Variants in SLC26A9 observed in about 807,000 individuals in gnomAD.
SLC26A9 encodes the protein solute carrier family 26 member 9.
In SLC26A9, 46 loss-of-function variants were observed where a neutral mutation model predicts 87.1. The observed-to-expected ratio is 0.53, with a 90% confidence interval of 0.42 to 0.67. SLC26A9 has a LOEUF of 0.67. Among genes scored for constraint, SLC26A9 ranks in the 30% least tolerant of loss-of-function variants. SLC26A9 has a pLI of 0.00. For missense variants in SLC26A9, 927 were observed against 1,018.3 expected (o/e 0.91, Z 1.22); for synonymous variants, 437 against 409.1 (o/e 1.07, Z -0.82).
chr1:205,939,076 T>C (rs934763927), intron 1 of SLC26A9, among the ~76,000 whole-genome samples: 1 of 152,188 alleles, frequency 6.6e-6, no homozygotes, highest in Non-Finnish European at 1.5e-5. Flanking sequence ...ATCCCAGGAA[T>C]AGGATGCTGA....
At position 205,933,064 on chromosome 1, in the gene SLC26A9, T is replaced by G; in HGVS notation, c.146A>C (p.Lys49Thr). 2.5e-6 allele frequency: 4 copies of G among 1,614,222 alleles called. No homozygotes were observed. The highest frequency in any genetic ancestry group is 3.4e-6 in the Non-Finnish European group (4 of 1,180,032). ...NAFRCSSAKI[K>T]AVVFGLLPVL... is the part of the protein sequence containing the mutation. ...AGGCAGCAGCCCAAACACCACAGCT[T>G]TGATCTTGGCTGAGGAACATCTGGA... The change falls in exon 3 of 21, where the codon AAA becomes ACA. Residue 49 changes from lysine (K) to threonine (T), a missense_variant. Lys to Thr is a moderately conservative substitution (Grantham distance 78, BLOSUM62 -1). Transcript: ENST00000367135.
intron 18 of SLC26A9, among the ~76,000 whole-genome samples, chr1:205,919,422 G>A (rs566541280): frequency 1.8e-4 from 28 of 152,282 alleles, no homozygotes; most frequent in African/African-American, 6.7e-4. Flanking sequence ...CAGTGAGGTT[G>A]GGGAGAATCC....
At chr1:205,942,104 G>C (rs1659772125) in intron 1 of SLC26A9, among the ~76,000 whole-genome samples, 2 of 152,188 alleles carry the variant, frequency 1.3e-5, no homozygotes, top group African/African-American at 2.4e-5. Context: ...TGTTTAGTAC[G>C]GTTTAAGAGG....
chr1:205,942,081 G>A (rs1240549725), intron 1 of SLC26A9, among the ~76,000 whole-genome samples: 2 of 152,214 alleles, frequency 1.3e-5, no homozygotes, highest in Non-Finnish European at 2.9e-5. Context: ...AAGTTCACGG[G>A]GGTCAGTCTG....
At chr1:205,916,740 T>C (rs960538831) in intron 20 of SLC26A9, among the ~76,000 whole-genome samples, 11 of 152,162 alleles carry the variant, frequency 7.2e-5, no homozygotes, top group Admixed American at 2.0e-4. Context: ...TAAGAATAGA[T>C]ACTGGTTCTC....
At chr1:205,918,714 G>A (rs1439985856) in intron 19 of SLC26A9, 126 bp downstream of exon 19, 3 of 1,263,090 alleles carry the variant, frequency 2.4e-6, no homozygotes, top group Non-Finnish European at 3.3e-6. Context: ...AACAGATTCA[G>A]AAAACTGAAA....
At chr1:205,924,937 T>C (rs957026316) in intron 12 of SLC26A9, among the ~76,000 whole-genome samples, 4 of 151,778 alleles carry the variant, frequency 2.6e-5, no homozygotes, top group Non-Finnish European at 5.9e-5. Context: ...GTTAGGACTA[T>C]AGGCACGTGC....
rs1658449905 is a variant in SLC26A9 at position 205,913,393 on chromosome 1, C to T, written c.*1964G>A. 6.6e-6 allele frequency: 1 copy of T among 152,634 alleles called. No individual in the cohort carries two copies. The highest frequency in any genetic ancestry group is 2.4e-5 in the African/African-American group (1 of 41,444). The allele number at this position is 152,634 out of a possible 1,614,324, so 9.5% of individuals were successfully genotyped here. ...CCTCAGACATGTGGCAGATCTCTCC[C>T]TGAGCCTCAACTCCAGGTCACTGGG... On this transcript the variant is annotated 3_prime_UTR_variant, in exon 21 of 21. Transcript: ENST00000367135.
intron 1 of SLC26A9, among the ~76,000 whole-genome samples, chr1:205,937,316 G>A (rs1057405315): frequency 1.3e-5 from 2 of 152,136 alleles, no homozygotes; most frequent in Non-Finnish European, 2.9e-5. Context: ...CCCTTAGTGT[G>A]TACTCAACAC....
chr1:205,928,881 C>T lies in SLC26A9; in HGVS notation c.899G>A (p.Gly300Asp). ...VVVVATAISG[G>D]CKMPKKYHMQ... ...GTGATACTTTTTGGGCATCTTACAG[C>T]CCCCGGAGATAGCTGTTGCCACCAC... The change falls in exon 8 of 21, where the codon GGC becomes GAC. Residue 300 changes from glycine to aspartate, a missense_variant. Coordinates refer to ENST00000367135, the MANE Select transcript of SLC26A9 (RefSeq NM_052934.4). 6.2e-7 allele frequency: 1 copy of T among 1,614,070 alleles called. No individual in the cohort carries two copies. Among genetic ancestry groups the T allele is most frequent in the African/African-American group, 1.3e-5 (1 of 75,002 alleles).
Position 205,927,941 on chromosome 1 carries a change from G to T in SLC26A9, c.1062C>A (p.Thr354=). Residue 354 remains threonine, a synonymous_variant, in exon 9 of 21, where the codon ACC becomes ACA. Coordinates refer to ENST00000367135, the MANE Select transcript of SLC26A9 (RefSeq NM_052934.4). ...CGTCGTAGCCGTGCTTGTTGGCCAG[G>T]GTCCGGCCCATAGCCAGGTTGATGA... ...SYVINLAMGR[T]LANKHGYDVD... 6.2e-7 allele frequency: 1 copy of T among 1,614,156 alleles called. No homozygotes were observed. The highest frequency in any genetic ancestry group is 8.5e-7 in the Non-Finnish European group (1 of 1,180,002).
At chr1:205,922,327 C>T (rs1658875476) in intron 16 of SLC26A9, among the ~76,000 whole-genome samples, 2 of 152,152 alleles carry the variant, frequency 1.3e-5, no homozygotes, top group African/African-American at 2.4e-5. Flanking sequence ...TTAGTAGAGA[C>T]AGCGTTTCGC....
intron 12 of SLC26A9, among the ~76,000 whole-genome samples, chr1:205,926,030 C>T (rs1253397915): frequency 6.6e-6 from 1 of 152,198 alleles, no homozygotes; most frequent in Non-Finnish European, 1.5e-5. Flanking sequence ...GTCTCACCCC[C>T]ATTTACAGAT....
rs1659141379 is a variant in SLC26A9, at chr1:205,927,847, G to A, written c.1101+55C>T. 7 of 1,585,406 alleles carry A rather than the reference G, an allele frequency of 4.4e-6. No individual in the cohort carries two copies. The Admixed American group carries it at 1.0e-4, about 23-fold the overall frequency. ...GATCTCCCCACCCAAGATATGTCATGCCAGGCCTGAGTTGACCTGTCCTGC... is the reference window on the plus strand; with the variant it reads ...GATCTCCCCACCCAAGATATGTCATACCAGGCCTGAGTTGACCTGTCCTGC... On this transcript the variant is annotated intron_variant, in intron 9 of 20. Coordinates refer to ENST00000367135, the MANE Select transcript of SLC26A9 (RefSeq NM_052934.4).
intron 13 of SLC26A9, among the ~76,000 whole-genome samples, chr1:205,923,864 A>G (rs1350946796): frequency 6.6e-6 from 1 of 152,140 alleles, no homozygotes; most frequent in African/African-American, 2.4e-5. Context: ...AAGTGGTGGG[A>G]GAAGTGGTGG....
At chr1:205,934,810 C>T (rs1659443453) in intron 2 of SLC26A9, among the ~76,000 whole-genome samples, 1 of 152,200 alleles carries the variant, frequency 6.6e-6, no homozygotes, top group South Asian at 2.1e-4. Flanking sequence ...TGAGGACAGA[C>T]TGTAACTGGG....
chr1:205,915,514 G>A (rs1326181638), intron 20 of SLC26A9, 110 bp from the exon 21 acceptor site: 1 of 1,310,814 alleles, frequency 7.6e-7, no homozygotes, highest in East Asian at 2.4e-5. Flanking sequence ...CCAGAACAAA[G>A]CACCTGTGTG....
At chr1:205,922,920 A>G (rs1435141312) in intron 16 of SLC26A9, among the ~76,000 whole-genome samples, 162 bp downstream of exon 16, 2 of 152,088 alleles carry the variant, frequency 1.3e-5, no homozygotes, top group Admixed American at 6.5e-5. Flanking sequence ...AAGAAAAAAA[A>G]GAAGAAAAAT....
Position 205,928,031 on chromosome 1 carries a change from C to A in SLC26A9, c.972G>T (p.Ser324=). 3 of 1,613,874 alleles carry A rather than the reference C, an allele frequency of 1.9e-6. No individual in the cohort carries two copies. The highest frequency in any genetic ancestry group is 2.5e-6 in the Non-Finnish European group (3 of 1,179,916). The change falls in exon 9 of 21, where the codon TCG becomes TCT. Residue 324 remains serine (S), a synonymous_variant. Coordinates refer to ENST00000367135, the MANE Select transcript of SLC26A9 (RefSeq NM_052934.4). ...TGTCCTTCCACTGTGAGACCACAGG[C>A]GACACCGGGGTGGGGAACCTGCCGA... ...EIQRGFPTPV[S]PVVSQWKDMI... is the part of the protein sequence containing the mutation.
Sources: gnomAD v4.1 joint callset for allele counts (sites outside exome capture counted in the v4.1 genomes callset) on GRCh38, gnomAD v4.1.1 for gene constraint, MANE v1.5 for transcripts, NCBI Gene and HGNC (gene_info 2026-07-23, HGNC 2026-07-21) for gene names.